Variants in RUFY2 observed in about 807,000 individuals in gnomAD.
RUFY2 encodes RUN and FYVE domain containing 2.
Under a neutral mutation model 94.4 loss-of-function variants are expected in RUFY2, and 49 were observed. The ratio of observed to expected loss-of-function variants is 0.52; its 90% confidence interval spans 0.41 to 0.66. The LOEUF is 0.66. Among genes scored for constraint, RUFY2 ranks in the 30% least tolerant of loss-of-function variants. The pLI is 0.00. For missense variants in RUFY2, 541 were observed against 692.8 expected, an observed-to-expected ratio of 0.78 and a Z score of 2.46; for synonymous variants, 255 against 235.7, an observed-to-expected ratio of 1.08 and a Z score of -0.75.
chr10:68,406,726 C>T (rs750542416), intron 1 of RUFY2: 21 of 1,572,312 alleles, frequency 1.3e-5, no homozygotes, highest in Admixed American at 5.4e-5. Context: ...GGCCTGGGGG[C>T]CCCCCAGGAC....
intron 13 of RUFY2, among the ~76,000 whole-genome samples, chr10:68,367,588 G>A (rs755965877): frequency 1.3e-5 from 2 of 151,982 alleles, no homozygotes; most frequent in Non-Finnish European, 2.9e-5. Context: ...CCGAGCAGCT[G>A]GGGCTACAGG....
intron 14 of RUFY2, 85 bp from the exon 15 acceptor site, chr10:68,363,769 C>T: frequency 2.1e-6 from 2 of 935,254 alleles, no homozygotes; most frequent in Non-Finnish European, 3.1e-6. Context: ...TAATTAGAAA[C>T]AAACATCCTT....
intron 6 of RUFY2, chr10:68,393,823 A>G (rs2050178618): frequency 1.7e-6 from 1 of 573,828 alleles, no homozygotes; most frequent in Non-Finnish European, 2.6e-6. Context: ...AAAAACCACT[A>G]TTAAAATGGG....
chr10:68,385,630 T>C (rs1298300650), intron 8 of RUFY2, among the ~76,000 whole-genome samples: 15 of 152,168 alleles, frequency 9.9e-5, no homozygotes, highest in Admixed American at 9.2e-4. Flanking sequence ...ATACTTTAAA[T>C]TCTGGGATAC....
chr10:68,403,632 G>A lies in RUFY2; in HGVS notation c.178+1039C>T, dbSNP rs1453748797. ...TTTATGTACAAAAAGAGTATCTTTCGCTAGTATTTATACATTTTAAGAAAT... is the reference window on the plus strand; with the variant it reads ...TTTATGTACAAAAAGAGTATCTTTCACTAGTATTTATACATTTTAAGAAAT... On this transcript the variant is annotated intron_variant, in intron 2 of 17. Transcript: ENST00000602465. 4.6e-5 allele frequency among the ~76,000 whole-genome samples: 7 copies of A among 152,154 alleles called. No individual in the cohort carries two copies. In the East Asian group the frequency reaches 1.3e-3, roughly 29 times the overall value.
At chr10:68,352,754 C>T (rs549053108) in intron 16 of RUFY2, among the ~76,000 whole-genome samples, 2 of 151,556 alleles carry the variant, frequency 1.3e-5, no homozygotes, top group East Asian at 3.9e-4. Flanking sequence ...TATGGTGAAA[C>T]CCCATCTCTA....
chr10:68,367,738 C>CTG (rs1491570396), intron 13 of RUFY2, among the ~76,000 whole-genome samples: 1 of 142,276 alleles, frequency 7.0e-6, no homozygotes, highest in Admixed American at 7.1e-5. Context: ...CCCTCCCTCC[C>CTG]TCTCTCTCTC....
At position 68,371,815 on chromosome 10, in the gene RUFY2, A is replaced by C. The variant is rs377026403; in HGVS notation, c.1325+5038T>G. ...AGACAGAAATGACATTAACACCTAA[A>C]GAGAAACAACAATTCAAATGACAGT... On this transcript the variant is annotated intron_variant, in intron 13 of 17. Transcript: ENST00000602465. Among the ~76,000 whole-genome samples the C allele has an allele frequency of 9.8e-5, 15 of 152,332 alleles. No homozygotes were observed. In the South Asian group the frequency reaches 1.7e-3, roughly 17 times the overall value.
chr10:68,360,694 G>A (rs2047397485), intron 15 of RUFY2, among the ~76,000 whole-genome samples: 1 of 152,072 alleles, frequency 6.6e-6, no homozygotes, highest in South Asian at 2.1e-4. Context: ...CTTGCAGTGA[G>A]CTGAGATACT....
At chr10:68,389,182 C>T (rs186004342) in intron 7 of RUFY2, among the ~76,000 whole-genome samples, 65 of 152,264 alleles carry the variant, frequency 4.3e-4, no homozygotes, top group Non-Finnish European at 7.4e-4. Context: ...TTACAGCATG[C>T]GCCACTGAGC....
rs1273746371 is a variant in RUFY2 at position 68,343,423 on chromosome 10, ATG to A, written c.*2343_*2344del. On this transcript the variant is annotated 3_prime_UTR_variant, in exon 18 of 18. Coordinates refer to ENST00000602465, the MANE Select transcript of RUFY2 (RefSeq NM_001330103.2). ...ACCACCTGTCTTTTTTGAAAGTTGT[ATG>A]TGTTTTATTTTCCCAGGATTACTCT... 1 of 152,560 alleles carries A rather than the reference ATG, an allele frequency of 6.6e-6. No homozygotes were observed. The highest frequency in any genetic ancestry group is 1.5e-5 in the Non-Finnish European group (1 of 68,000). The allele number at this position is 152,560 out of a possible 1,614,324, so 9.5% of individuals were successfully genotyped here. A position where few individuals can be genotyped will look rare whatever the true frequency, so the allele number is the denominator to read the frequency against.
At chr10:68,392,236 C>T (rs1172788559) in intron 7 of RUFY2, among the ~76,000 whole-genome samples, 3 of 151,910 alleles carry the variant, frequency 2.0e-5, no homozygotes, top group African/African-American at 7.2e-5. Flanking sequence ...TTTCACCATA[C>T]TGGGCAGGCT....
intron 16 of RUFY2, among the ~76,000 whole-genome samples, chr10:68,353,185 C>G (rs34319194): frequency 0.27 from 40,833 of 151,296 alleles, 7,561 homozygotes; most frequent in African/African-American, 0.53. Context: ...ATAAAAATTA[C>G]CCGGGTGTGG....
At chr10:68,407,070 C>A (rs2051383725) in intron 1 of RUFY2, 116 bp downstream of exon 1, 5 of 1,486,410 alleles carry the variant, frequency 3.4e-6, no homozygotes, top group Non-Finnish European at 3.6e-6. Flanking sequence ...GGGTTCGGGC[C>A]CCAGTTCCGA....
intron 13 of RUFY2, among the ~76,000 whole-genome samples, chr10:68,365,056 C>T (rs2047710180): frequency 6.6e-6 from 1 of 151,944 alleles, no homozygotes; most frequent in South Asian, 2.1e-4. Context: ...ATGTTGAGTA[C>T]ATTATTTTAA....
chr10:68,341,727 GTC>G (rs1323153406), downstream of RUFY2: 7 of 1,582,626 alleles, frequency 4.4e-6, no homozygotes, highest in Middle Eastern at 1.7e-4. Context: ...TTATCGATGA[GTC>G]TCAATTTTTT....
chr10:68,359,769 G>C (rs2047333799), intron 15 of RUFY2, among the ~76,000 whole-genome samples: 1 of 148,592 alleles, frequency 6.7e-6, no homozygotes, highest in Non-Finnish European at 1.5e-5. Flanking sequence ...TCCAGCCTAA[G>C]CAACAGAACA....
At chr10:68,394,755 G>A (rs999130878) in intron 4 of RUFY2, among the ~76,000 whole-genome samples, 9 of 151,106 alleles carry the variant, frequency 6.0e-5, no homozygotes, top group African/African-American at 1.9e-4. Flanking sequence ...TCAGCCTCCT[G>A]AGTAGCTGGG....
At chr10:68,395,125 G>A (rs1044877583) in intron 4 of RUFY2, among the ~76,000 whole-genome samples, 1 of 151,884 alleles carries the variant, frequency 6.6e-6, no homozygotes, top group Non-Finnish European at 1.5e-5. Flanking sequence ...ATCACTTGAA[G>A]TCAGGAGTTC....
Sources: gnomAD v4.1 joint callset for allele counts (sites outside exome capture counted in the v4.1 genomes callset) on GRCh38, gnomAD v4.1.1 for gene constraint, MANE v1.5 for transcripts, NCBI Gene and HGNC (gene_info 2026-07-23, HGNC 2026-07-21) for gene names.